LRRK2: variants seen among roughly 807,000 people sequenced by gnomAD.
LRRK2 encodes leucine-rich repeat serine/threonine-protein kinase 2.
Under a neutral mutation model 302.6 loss-of-function variants are expected in LRRK2, and 203 were observed. That is an observed-to-expected ratio of 0.67 (90% CI 0.60 to 0.75). The LOEUF is 0.75. LRRK2 is among the 30% of genes least tolerant of loss of function. The pLI, the probability that LRRK2 is intolerant of heterozygous loss-of-function variation, is 0.00. For missense variants in LRRK2, 2,830 were observed against 2,951.0 expected (o/e 0.96, Z 0.95); for synonymous variants, 1,066 against 1,031.9 (o/e 1.03, Z -0.63).
intron 25 of LRRK2, among the ~76,000 whole-genome samples, 160 bp from the exon 26 acceptor site, chr12:40,302,629 A>C (rs184983922): frequency 6.6e-6 from 1 of 152,246 alleles, no homozygotes; most frequent in East Asian, 1.9e-4. Flanking sequence ...GGAAGTATTA[A>C]GGCTATTACC....
At chr12:40,281,023 G>A (rs56136805) in intron 18 of LRRK2, among the ~76,000 whole-genome samples, 6,665 of 150,380 alleles carry the variant, frequency 0.044, 503 homozygotes, top group African/African-American at 0.15. Flanking sequence ...AGCCTAGATC[G>A]CGCCACTGCA....
chr12:40,309,320 G>A (rs1286181964), intron 30 of LRRK2, 87 bp downstream of exon 30: 12 of 1,493,278 alleles, frequency 8.0e-6, no homozygotes, highest in Non-Finnish European at 7.2e-6. Context: ...ATTTATTTTG[G>A]GCAAACAATT....
At chr12:40,297,567 T>G (rs1313495006) in intron 23 of LRRK2, among the ~76,000 whole-genome samples, 7 of 152,106 alleles carry the variant, frequency 4.6e-5, no homozygotes, top group Non-Finnish European at 1.5e-5. Flanking sequence ...GATATCAAAC[T>G]CTAGAGTTTC....
At chr12:40,275,346 T>C (rs1943405115) in intron 16 of LRRK2, among the ~76,000 whole-genome samples, 1 of 152,182 alleles carries the variant, frequency 6.6e-6, no homozygotes, top group Non-Finnish European at 1.5e-5. Flanking sequence ...TTATTGCAGG[T>C]TGCTTACCTT....
At chr12:40,284,771 G>A (rs1190007108) in intron 19 of LRRK2, among the ~76,000 whole-genome samples, 3 of 152,078 alleles carry the variant, frequency 2.0e-5, no homozygotes, top group African/African-American at 7.2e-5. Context: ...AGCTTTCCCT[G>A]TGTTAACTTA....
intron 35 of LRRK2, 77 bp from the exon 36 acceptor site, chr12:40,321,958 A>G (rs150622547): frequency 5.0e-6 from 7 of 1,413,258 alleles, no homozygotes; most frequent in Non-Finnish European, 7.0e-6. Flanking sequence ...CTGTATTACA[A>G]TCACTTGTGT....
intron 8 of LRRK2, among the ~76,000 whole-genome samples, chr12:40,250,607 A>G (rs1349472673): frequency 6.6e-6 from 1 of 152,194 alleles, no homozygotes; most frequent in Non-Finnish European, 1.5e-5. Flanking sequence ...CCCATCACCT[A>G]GGTATTAAGC....
chr12:40,338,677 T>C (rs959335511), intron 40 of LRRK2, among the ~76,000 whole-genome samples: 60 of 152,338 alleles, frequency 3.9e-4, no homozygotes, highest in Non-Finnish European at 2.5e-4. Context: ...ATTATCTCTT[T>C]GCCACTGACA....
rs755936294 is a variant in LRRK2 at position 40,302,927 on chromosome 12, C to T, written c.3590+45C>T. On this transcript the variant is annotated intron_variant, in intron 26 of 50. Coordinates refer to ENST00000298910, the MANE Select transcript of LRRK2 (RefSeq NM_198578.4). Reference sequence around the variant, plus strand: ...AATTTTAAAAGCACATTAGCTGGAACAGAACCTTTAGAAACATGATTTCGA... The same window carrying T: ...AATTTTAAAAGCACATTAGCTGGAATAGAACCTTTAGAAACATGATTTCGA... 2.4e-6 allele frequency: 3 copies of T among 1,253,980 alleles called. No homozygotes were observed. The East Asian group carries it at 7.0e-5, about 29-fold the overall frequency. The allele number at this position is 1,253,980 out of a possible 1,614,324, so 77.7% of individuals were successfully genotyped here. A position where few individuals can be genotyped will look rare whatever the true frequency, so the allele number is the denominator to read the frequency against.
chr12:40,245,432 C>A (rs951654445), intron 7 of LRRK2, among the ~76,000 whole-genome samples: 8 of 152,086 alleles, frequency 5.3e-5, no homozygotes, highest in Non-Finnish European at 7.4e-5. Context: ...TTAAATATAA[C>A]ACTATTTAAA....
intron 29 of LRRK2, 150 bp downstream of exon 29, chr12:40,308,846 G>T (rs898238483): frequency 2.2e-6 from 2 of 897,536 alleles, no homozygotes; most frequent in African/African-American, 3.4e-5. Context: ...TTTTACCCTT[G>T]CCTCCAGAAT....
At chr12:40,366,080 A>G (rs752523066) in intron 49 of LRRK2, 8 of 151,920 alleles carry the variant, frequency 5.3e-5, no homozygotes, top group Middle Eastern at 3.1e-3. Flanking sequence ...ATAAAGATCA[A>G]TTGGAGGATA....
intron 30 of LRRK2, 60 bp downstream of exon 30, chr12:40,309,293 T>TGTGTGTGTGTG: frequency 6.4e-7 from 1 of 1,573,174 alleles, no homozygotes; most frequent in Non-Finnish European, 8.7e-7. Flanking sequence ...TGCGTGTGTG[T>TGTGTGTGTGTG]GTGTGTGTGT....
Position 40,351,585 on chromosome 12 carries a change from G to T in LRRK2, c.6428G>T (p.Arg2143Leu). 6.2e-7 allele frequency: 1 copy of T among 1,614,032 alleles called. No individual in the cohort carries two copies. The highest frequency in any genetic ancestry group is 1.1e-5 in the South Asian group (1 of 91,072). ...NSAELVCLTR[R>L]ILLPKNVIVE... is the part of the protein sequence containing the mutation. ...GCTGAATTAGTCTGTCTGACGAGAC[G>T]CATTTTATTACCTAAAAACGTAATT... Residue 2143 changes from arginine to leucine, a missense_variant, in exon 44 of 51, where the codon CGC becomes CTC. This residue lies in a region of LRRK2 where 456 missense variants were observed against 456.3 expected (regional missense o/e 1.00). Coordinates refer to ENST00000298910, the MANE Select transcript of LRRK2 (RefSeq NM_198578.4).
At chr12:40,343,758 A>T (rs1231961721) in intron 41 of LRRK2, among the ~76,000 whole-genome samples, 2 of 152,274 alleles carry the variant, frequency 1.3e-5, no homozygotes, top group African/African-American at 2.4e-5. Flanking sequence ...TCATTTATTC[A>T]TTCATTTGGC....
intron 50 of LRRK2, 121 bp from the exon 51 acceptor site, chr12:40,367,523 T>C: frequency 1.2e-6 from 1 of 848,702 alleles, no homozygotes; most frequent in East Asian, 2.8e-5. Flanking sequence ...ACATTAGTTA[T>C]AGCTGTGTTT....
rs1946538584 is a variant in LRRK2, at chr12:40,356,329, T to A, written c.6843+142T>A. 7 of 626,104 alleles carry A rather than the reference T, an allele frequency of 1.1e-5. No homozygotes were observed. The South Asian group carries it at 1.3e-4, about 11-fold the overall frequency. The allele number at this position is 626,104 out of a possible 1,614,324, so 38.8% of individuals were successfully genotyped here. The stretch of plus-strand genomic sequence containing the variant: ...TGTATTTGTATTGCTTCATAAAATC[T>A]TGAACACAGTAGATCCTCTGAAAAT... On this transcript the variant is annotated intron_variant, in intron 46 of 50. Coordinates refer to ENST00000298910, the MANE Select transcript of LRRK2 (RefSeq NM_198578.4).
chr12:40,322,762 A>T (rs191942793), intron 37 of LRRK2, among the ~76,000 whole-genome samples: 3 of 152,200 alleles, frequency 2.0e-5, no homozygotes, highest in African/African-American at 7.2e-5. Flanking sequence ...TGAAACCGGA[A>T]TACCAACCAC....
chr12:40,352,872 C>T (rs978158889), intron 44 of LRRK2, among the ~76,000 whole-genome samples: 2 of 152,178 alleles, frequency 1.3e-5, no homozygotes, highest in Non-Finnish European at 2.9e-5. Flanking sequence ...TCTACACAGA[C>T]ACAGCAACAA....
Sources: allele counts gnomAD v4.1 joint callset (sites outside exome capture counted in the v4.1 genomes callset), GRCh38; gene constraint gnomAD v4.1.1; regional missense constraint gnomAD v4.1.1; transcripts MANE v1.5; gene names NCBI Gene and HGNC (gene_info 2026-07-23, HGNC 2026-07-21).